LOC128125817: variants seen among roughly 807,000 people sequenced by gnomAD.
chr1:41,604,522 C>G, the LOC128125817 span, among the ~76,000 whole-genome samples: 12 of 152,018 alleles, frequency 7.9e-5, no homozygotes, highest in African/African-American at 2.4e-5. Flanking sequence ...AAGATTCCTC[C>G]CTAGTGAATG....
the LOC128125817 span, among the ~76,000 whole-genome samples, chr1:41,607,284 T>C: frequency 2.0e-5 from 3 of 152,258 alleles, no homozygotes; most frequent in African/African-American, 7.2e-5. Context: ...TTCTTGAGAC[T>C]TTGCTCTGCT....
chr1:41,620,132 C>T, the LOC128125817 span, among the ~76,000 whole-genome samples: 1 of 152,110 alleles, frequency 6.6e-6, no homozygotes, highest in African/African-American at 2.4e-5. Flanking sequence ...AGCACTGAAA[C>T]GACCCCAGGG....
the LOC128125817 span, among the ~76,000 whole-genome samples, chr1:41,619,945 C>A: frequency 6.6e-6 from 1 of 152,124 alleles, no homozygotes; most frequent in Non-Finnish European, 1.5e-5. Context: ...TGAATTTGCA[C>A]GTCTAGGAAT....
chr1:41,619,278 A>C, the LOC128125817 span, among the ~76,000 whole-genome samples: 1 of 152,088 alleles, frequency 6.6e-6, no homozygotes, highest in Non-Finnish European at 1.5e-5. Flanking sequence ...ACCCGTCCTG[A>C]CTGCCTGATT....
At chr1:41,595,304 G>C in the LOC128125817 span, among the ~76,000 whole-genome samples, 1 of 152,198 alleles carries the variant, frequency 6.6e-6, no homozygotes, top group African/African-American at 2.4e-5. Flanking sequence ...CCCCTTGTCA[G>C]TAATTCTCAG....
chr1:41,627,138 G>A, the LOC128125817 span, among the ~76,000 whole-genome samples: 19 of 152,362 alleles, frequency 1.2e-4, no homozygotes, highest in Admixed American at 5.9e-4. Flanking sequence ...GCACAGGGCT[G>A]CAACTGGGAG....
chr1:41,601,129 C>T, the LOC128125817 span, among the ~76,000 whole-genome samples: 1 of 152,118 alleles, frequency 6.6e-6, no homozygotes, highest in Non-Finnish European at 1.5e-5. Context: ...GTCTTTATGT[C>T]AGTACCATAC....
At chr1:41,605,984 T>C in the LOC128125817 span, among the ~76,000 whole-genome samples, 1 of 152,240 alleles carries the variant, frequency 6.6e-6, no homozygotes, top group African/African-American at 2.4e-5. Flanking sequence ...CAGCAAGTAC[T>C]GAATGAAGAG....
At chr1:41,605,375 G>A in the LOC128125817 span, among the ~76,000 whole-genome samples, 18,507 of 126,704 alleles carry the variant, frequency 0.15, 2,174 homozygotes, top group African/African-American at 0.36. Flanking sequence ...ACGCACACGC[G>A]CACACACACA....
At chr1:41,625,594 G>T in the LOC128125817 span, among the ~76,000 whole-genome samples, 1 of 152,162 alleles carries the variant, frequency 6.6e-6, no homozygotes, top group Admixed American at 6.5e-5. Flanking sequence ...AGACAGCCAG[G>T]TGTGGTGGTC....
At chr1:41,609,265 C>T in the LOC128125817 span, among the ~76,000 whole-genome samples, 4 of 152,186 alleles carry the variant, frequency 2.6e-5, no homozygotes, top group Non-Finnish European at 5.9e-5. Flanking sequence ...TGGTGTCTGC[C>T]CTTAGGGGGA....
At chr1:41,620,800 T>C in the LOC128125817 span, among the ~76,000 whole-genome samples, 1 of 152,116 alleles carries the variant, frequency 6.6e-6, no homozygotes, top group African/African-American at 2.4e-5. Context: ...CACCCTCCAC[T>C]CCTACCCTTT....
At chr1:41,621,196 C>T in the LOC128125817 span, among the ~76,000 whole-genome samples, 1 of 152,236 alleles carries the variant, frequency 6.6e-6, no homozygotes, top group Non-Finnish European at 1.5e-5. Flanking sequence ...ATGGTGCAGC[C>T]TCTTCCTCCC....
chr1:41,599,391 A>C, the LOC128125817 span, among the ~76,000 whole-genome samples: 8 of 152,348 alleles, frequency 5.3e-5, no homozygotes, highest in East Asian at 1.9e-4. Context: ...GTAATCACAT[A>C]ATCATAAAGG....
the LOC128125817 span, among the ~76,000 whole-genome samples, chr1:41,620,074 G>A: frequency 6.6e-6 from 1 of 152,166 alleles, no homozygotes. Flanking sequence ...GGAAGGAAAG[G>A]GGGAAAGGTG....
the LOC128125817 span, among the ~76,000 whole-genome samples, chr1:41,603,051 CTATT>C: frequency 2.6e-4 from 40 of 151,848 alleles, no homozygotes; most frequent in African/African-American, 9.6e-4. Flanking sequence ...ATTTCCATTT[CTATT>C]TATTTATTTA....
At chr1:41,615,323 G>A in the LOC128125817 span, among the ~76,000 whole-genome samples, 1 of 152,204 alleles carries the variant, frequency 6.6e-6, no homozygotes, top group Non-Finnish European at 1.5e-5. Flanking sequence ...TCCTGAACTT[G>A]GGAAATCGGC....
the LOC128125817 span, among the ~76,000 whole-genome samples, chr1:41,605,368 C>A: frequency 9.9e-6 from 1 of 101,138 alleles, no homozygotes; most frequent in Non-Finnish European, 2.0e-5. Context: ...TACACACACG[C>A]ACACGCGCAC....
At chr1:41,625,710 G>A in the LOC128125817 span, among the ~76,000 whole-genome samples, 1 of 152,016 alleles carries the variant, frequency 6.6e-6, no homozygotes, top group African/African-American at 2.4e-5. Context: ...ACTCTAGCCT[G>A]GGCAACAGAG....
Sources: gnomAD v4.1 joint callset for allele counts (sites outside exome capture counted in the v4.1 genomes callset) on GRCh38, gnomAD v4.1.1 for gene constraint, MANE v1.5 for transcripts.